The following BRINP3 variants were observed in gnomAD, a reference collection of about 807,000 sequenced individuals.
BRINP3 encodes BMP/retinoic acid-inducible neural-specific protein 3.
Under a neutral mutation model 71.0 loss-of-function variants are expected in BRINP3, and 19 were observed. That is an observed-to-expected ratio of 0.27 (90% CI 0.19 to 0.39). The LOEUF is 0.39. Ranked by LOEUF, BRINP3 falls within the 10% of genes least tolerant of loss-of-function variation. BRINP3 has a pLI of 1.00. For missense variants in BRINP3, 959 were observed against 940.8 expected (o/e 1.02, Z -0.25); for synonymous variants, 380 against 337.7 (o/e 1.13, Z -1.37).
chr1:190,177,275 G>T (rs1652616971), intron 6 of BRINP3, among the ~76,000 whole-genome samples: 2 of 140,110 alleles, frequency 1.4e-5, no homozygotes, highest in African/African-American at 5.4e-5. Flanking sequence ...CCATTCTCCT[G>T]CCTCAGTCTC....
intron 4 of BRINP3, among the ~76,000 whole-genome samples, chr1:190,249,838 T>A (rs951005008): frequency 3.3e-5 from 5 of 151,902 alleles, no homozygotes; most frequent in Admixed American, 1.3e-4. Context: ...GTCAACAGTA[T>A]TATTAAATTT....
Position 190,366,759 on chromosome 1 carries a change from A to G in BRINP3, c.237-85009T>C, listed in dbSNP as rs183533617. ...GAAATGCAAGCAATTGGCCAAAACA[A>G]AGGGGCTACAGTCCCCATGCAAGTC... On this transcript the variant is annotated intron_variant, in intron 2 of 7. Coordinates refer to ENST00000367462, the MANE Select transcript of BRINP3 (RefSeq NM_199051.3). Among the ~76,000 whole-genome samples the G allele has an allele frequency of 1.2e-4, 18 of 152,268 alleles. No individual in the cohort carries two copies. The East Asian group carries it at 3.5e-3, about 29-fold the overall frequency.
intron 6 of BRINP3, among the ~76,000 whole-genome samples, chr1:190,179,771 C>T (rs1652867956): frequency 6.6e-6 from 1 of 152,092 alleles, no homozygotes; most frequent in Non-Finnish European, 1.5e-5. Context: ...AGCTTGTGAT[C>T]TGTTAAATTT....
intron 2 of BRINP3, among the ~76,000 whole-genome samples, chr1:190,393,389 C>T (rs1402917594): frequency 4.0e-5 from 6 of 151,224 alleles, no homozygotes; most frequent in South Asian, 2.1e-4. Context: ...GAGATGCTAA[C>T]GTGGGACCAG....
chr1:190,458,453 G>T (rs1259225776), intron 1 of BRINP3, among the ~76,000 whole-genome samples: 1 of 152,068 alleles, frequency 6.6e-6, no homozygotes, highest in Non-Finnish European at 1.5e-5. Flanking sequence ...TTTAGGACAA[G>T]TGGTAATTAA....
intron 4 of BRINP3, among the ~76,000 whole-genome samples, chr1:190,250,356 A>G (rs12239936): frequency 0.14 from 21,533 of 151,996 alleles, 2,019 homozygotes; most frequent in South Asian, 0.27. Flanking sequence ...GAAATAATAT[A>G]TTAAATGTTT....
At chr1:190,124,184 T>C (rs1451085202) in intron 7 of BRINP3, among the ~76,000 whole-genome samples, 1 of 152,174 alleles carries the variant, frequency 6.6e-6, no homozygotes, top group African/African-American at 2.4e-5. Context: ...AGTCGTCTGA[T>C]CCTTGAGAAA....
At chr1:190,314,259 G>A (rs1346447898) in intron 2 of BRINP3, among the ~76,000 whole-genome samples, 1 of 151,970 alleles carries the variant, frequency 6.6e-6, no homozygotes, top group Non-Finnish European at 1.5e-5. Context: ...ACGTAGCCTG[G>A]GGAGTAAAAG....
chr1:190,121,247 A>C (rs1320509581), intron 7 of BRINP3, among the ~76,000 whole-genome samples: 4 of 152,212 alleles, frequency 2.6e-5, no homozygotes. Context: ...CTGGTACGGT[A>C]TAACAAAATG....
chr1:190,111,748 G>A (rs1234434494), intron 7 of BRINP3, among the ~76,000 whole-genome samples: 1 of 152,038 alleles, frequency 6.6e-6, no homozygotes, highest in Non-Finnish European at 1.5e-5. Flanking sequence ...CAATCATAAG[G>A]AAACTTGAGG....
At chr1:190,415,239 A>G (rs1672937986) in intron 2 of BRINP3, among the ~76,000 whole-genome samples, 1 of 152,158 alleles carries the variant, frequency 6.6e-6, no homozygotes, top group Admixed American at 6.6e-5. Context: ...TTGTTAAGTA[A>G]ATCTTGGTGA....
intron 6 of BRINP3, among the ~76,000 whole-genome samples, chr1:190,180,607 G>A (rs1159404148): frequency 6.6e-6 from 1 of 152,056 alleles, no homozygotes; most frequent in African/African-American, 2.4e-5. Context: ...AGCCACCTAA[G>A]AAGGTTTGTG....
At chr1:190,192,957 G>A (rs1654176851) in intron 6 of BRINP3, among the ~76,000 whole-genome samples, 1 of 152,046 alleles carries the variant, frequency 6.6e-6, no homozygotes, top group Non-Finnish European at 1.5e-5. Flanking sequence ...CATTTGGTGA[G>A]TGATATAGTA....
chr1:190,312,630 C>T (rs955202671), intron 2 of BRINP3, among the ~76,000 whole-genome samples: 4 of 151,638 alleles, frequency 2.6e-5, no homozygotes, highest in Non-Finnish European at 5.9e-5. Context: ...CCCAAAGTTA[C>T]TGAAAGCTTT....
At chr1:190,396,712 TGATATA>T (rs1490219078) in intron 2 of BRINP3, among the ~76,000 whole-genome samples, 1 of 38,306 alleles carries the variant, frequency 2.6e-5, no homozygotes, top group African/African-American at 9.7e-5. Context: ...CCTAATTTAA[TGATATA>T]TATATATATA....
chr1:190,112,608 T>A (rs1246902462), intron 7 of BRINP3, among the ~76,000 whole-genome samples: 1 of 152,220 alleles, frequency 6.6e-6, no homozygotes. Flanking sequence ...GAATTTTTAA[T>A]CTAATGTGTA....
intron 2 of BRINP3, among the ~76,000 whole-genome samples, chr1:190,453,914 G>A (rs1171033): frequency 0.61 from 92,119 of 152,064 alleles, 28,514 homozygotes; most frequent in Non-Finnish European, 0.67. Context: ...TGAAGTGATA[G>A]CTTCACATAA....
intron 2 of BRINP3, among the ~76,000 whole-genome samples, chr1:190,288,107 A>G (rs1663574926): frequency 6.6e-6 from 1 of 152,004 alleles, no homozygotes; most frequent in African/African-American, 2.4e-5. Context: ...AATATGTAAG[A>G]ATTTTGCTTA....
Position 190,160,794 on chromosome 1 carries a change from C to G in BRINP3, c.1058G>C (p.Arg353Pro). The change falls in exon 7 of 8, where the codon CGC becomes CCC. Residue 353 changes from arginine (R) to proline (P), a missense_variant. Coordinates refer to ENST00000367462, the MANE Select transcript of BRINP3 (RefSeq NM_199051.3). ...HLWTMDSNFQ[R>P]RYEQLENSMK... The stretch of plus-strand genomic sequence containing the variant: ...GCTGTTCTCCAGTTGTTCATAACGG[C>G]GCTGAAAATTAGAATCCATTGTCCA... 6.2e-7 allele frequency: 1 copy of G among 1,613,468 alleles called. No homozygotes were observed. The highest frequency in any genetic ancestry group is 8.5e-7 in the Non-Finnish European group (1 of 1,179,656).
Sources: gnomAD v4.1 joint callset for allele counts (sites outside exome capture counted in the v4.1 genomes callset) on GRCh38, gnomAD v4.1.1 for gene constraint, MANE v1.5 for transcripts, NCBI Gene and HGNC (gene_info 2026-07-23, HGNC 2026-07-21) for gene names.